The following NFIB variants were observed in gnomAD, a reference collection of about 807,000 sequenced individuals.
The protein encoded by NFIB is nuclear factor 1 B-type.
A neutral mutation model predicts 61.5 loss-of-function variants in NFIB; 11 were observed. The ratio of observed to expected loss-of-function variants is 0.18; its 90% confidence interval spans 0.11 to 0.30. The LOEUF (loss-of-function observed/expected upper bound fraction) is 0.30. Among genes scored for constraint, NFIB ranks in the 10% least tolerant of loss-of-function variants. The pLI is 1.00. For missense variants in NFIB, 471 were observed against 608.9 expected, an observed-to-expected ratio of 0.77 and a Z score of 2.38; for synonymous variants, 260 against 216.5, an observed-to-expected ratio of 1.20 and a Z score of -1.76.
chr9:14,214,924 T>G (rs1461549739), intron 2 of NFIB, among the ~76,000 whole-genome samples: 3 of 152,250 alleles, frequency 2.0e-5, no homozygotes, highest in Non-Finnish European at 4.4e-5. Flanking sequence ...TGTATACACA[T>G]GCATACCTAT....
At chr9:14,287,858 A>G (rs1043045115) in intron 2 of NFIB, among the ~76,000 whole-genome samples, 26 of 152,264 alleles carry the variant, frequency 1.7e-4, no homozygotes, top group Admixed American at 9.2e-4. Flanking sequence ...AGATCAGCCC[A>G]TTGCTTTTAG....
At chr9:14,311,430 G>C (rs1353304081) in intron 1 of NFIB, among the ~76,000 whole-genome samples, 1 of 152,148 alleles carries the variant, frequency 6.6e-6, no homozygotes, top group Non-Finnish European at 1.5e-5. Context: ...AAGTCACATG[G>C]AGCTTAGTGA....
At chr9:14,466,127 C>T in the NFIB span, among the ~76,000 whole-genome samples, 7 of 152,194 alleles carry the variant, frequency 4.6e-5, no homozygotes, top group African/African-American at 9.6e-5. Flanking sequence ...CACGGGTGTT[C>T]GGAGAGAGCC....
the NFIB span, among the ~76,000 whole-genome samples, chr9:14,486,315 G>C: frequency 1.3e-5 from 2 of 152,098 alleles, no homozygotes; most frequent in Non-Finnish European, 2.9e-5. Flanking sequence ...GAAACATTAG[G>C]AGGAAGAGAC....
intron 2 of NFIB, 110 bp downstream of exon 2, chr9:14,306,879 G>T: frequency 7.5e-7 from 1 of 1,328,476 alleles, no homozygotes; most frequent in Non-Finnish European, 1.0e-6. Context: ...CAGAGAGGGT[G>T]GAGGATATCT....
At chr9:14,124,685 TAC>T (rs1242592336) in intron 7 of NFIB, among the ~76,000 whole-genome samples, 2 of 152,196 alleles carry the variant, frequency 1.3e-5, no homozygotes, top group Non-Finnish European at 2.9e-5. Flanking sequence ...AGGTAAAAAG[TAC>T]ACAGTGTTAA....
chr9:14,413,443 A>T, the NFIB span, among the ~76,000 whole-genome samples: 3 of 152,160 alleles, frequency 2.0e-5, no homozygotes, highest in Non-Finnish European at 4.4e-5. Context: ...AGTGTGAAAC[A>T]GGATAGCTTG....
chr9:14,176,904 G>A (rs1020047235), intron 3 of NFIB, among the ~76,000 whole-genome samples: 2 of 152,136 alleles, frequency 1.3e-5, no homozygotes, highest in Non-Finnish European at 2.9e-5. Flanking sequence ...ATTTCAAAGA[G>A]CCTATATCTC....
At chr9:14,316,457 T>C (rs10961474), upstream of NFIB, among the ~76,000 whole-genome samples, 32,341 of 152,260 alleles carry the variant, frequency 0.21, 3,666 homozygotes, top group East Asian at 0.33. Flanking sequence ...CCACACGCCC[T>C]GGGAGCGGCC....
At chr9:14,239,845 G>C (rs1271909184) in intron 2 of NFIB, among the ~76,000 whole-genome samples, 2 of 152,178 alleles carry the variant, frequency 1.3e-5, no homozygotes, top group African/African-American at 4.8e-5. Flanking sequence ...TCCAGAGGGA[G>C]AGAGTGCAAG....
chr9:14,291,140 C>T (rs2059067281), intron 2 of NFIB, among the ~76,000 whole-genome samples: 1 of 152,026 alleles, frequency 6.6e-6, no homozygotes, highest in Admixed American at 6.6e-5. Flanking sequence ...TACATAAGCA[C>T]ACACAGGGCA....
intron 6 of NFIB, among the ~76,000 whole-genome samples, chr9:14,143,652 G>A (rs760909140): frequency 9.9e-5 from 15 of 152,110 alleles, no homozygotes; most frequent in Non-Finnish European, 1.9e-4. Flanking sequence ...ATCAATTAGT[G>A]CAGGGCTTTG....
At chr9:14,383,732 G>C (rs9298697) in intron 1 of NFIB, among the ~76,000 whole-genome samples, 6,323 of 152,258 alleles carry the variant, frequency 0.042, 176 homozygotes, top group East Asian at 0.13. Context: ...ATGGCAGAGA[G>C]CGTACTCTGA....
chr9:14,461,514 T>C, the NFIB span, among the ~76,000 whole-genome samples: 2 of 152,212 alleles, frequency 1.3e-5, no homozygotes, highest in Non-Finnish European at 2.9e-5. Flanking sequence ...TTTCTTCCAC[T>C]GTGGAACTAC....
At chr9:14,500,360 T>C in the NFIB span, among the ~76,000 whole-genome samples, 1 of 152,116 alleles carries the variant, frequency 6.6e-6, no homozygotes, top group South Asian at 2.1e-4. Flanking sequence ...CCCCACAGTG[T>C]TGTCTTGGGG....
rs756285216 is a variant in NFIB, at chr9:14,183,405, AT to A, written c.563-3626del. On this transcript the variant is annotated intron_variant, in intron 2 of 10. Coordinates refer to ENST00000380953, the MANE Select transcript of NFIB (RefSeq NM_001190737.2). ...CTGGGTCTGGTGTCTGGGAAAAAAA[AT>A]TTTTTTTTTTTTTTTGAGACAGAGT... Among the ~76,000 whole-genome samples the A allele has an allele frequency of 3.1e-3, 451 of 144,612 alleles. 2 individuals are homozygous for A. Among genetic ancestry groups the A allele is most frequent in the East Asian group, 9.3e-3 (46 of 4,938 alleles). The allele number at this position is 144,612 out of a possible 152,430, so 94.9% of individuals were successfully genotyped here.
intron 1 of NFIB, among the ~76,000 whole-genome samples, chr9:14,397,134 AAG>A (rs2061695157): frequency 6.6e-6 from 1 of 152,186 alleles, no homozygotes; most frequent in African/African-American, 2.4e-5. Context: ...TTTAAGTAAA[AAG>A]CCCACTGATA....
At chr9:14,501,505 T>C in the NFIB span, among the ~76,000 whole-genome samples, 159 of 152,388 alleles carry the variant, frequency 1.0e-3, no homozygotes, top group African/African-American at 3.3e-3. Context: ...AGCTTTTTCA[T>C]CTGTAAAATT....
chr9:14,165,879 A>C (rs2044730418), intron 3 of NFIB, among the ~76,000 whole-genome samples: 1 of 152,182 alleles, frequency 6.6e-6, no homozygotes, highest in African/African-American at 2.4e-5. Flanking sequence ...CTGTTATTTA[A>C]CAGGTATTGA....
Sources: allele counts gnomAD v4.1 joint callset (sites outside exome capture counted in the v4.1 genomes callset), GRCh38; gene constraint gnomAD v4.1.1; transcripts MANE v1.5; gene names NCBI Gene and HGNC (gene_info 2026-07-23, HGNC 2026-07-21).